NADK: variants seen among roughly 807,000 people sequenced by gnomAD.
NADK encodes poly(P)/ATP NAD kinase.
Under a neutral mutation model 49.8 loss-of-function variants are expected in NADK, and 22 were observed. The observed-to-expected ratio is 0.44, with a 90% confidence interval of 0.32 to 0.63. The LOEUF (loss-of-function observed/expected upper bound fraction) is 0.63, where lower values mean the gene tolerates loss of function less well. NADK is among the 30% of genes least tolerant of loss of function. NADK has a pLI of 0.06. For missense variants in NADK, 438 were observed against 609.4 expected, an observed-to-expected ratio of 0.72 and a Z score of 2.96; for synonymous variants, 268 against 253.7, an observed-to-expected ratio of 1.06 and a Z score of -0.54.
At chr1:1,773,787 A>C (rs1323644684) in intron 1 of NADK, among the ~76,000 whole-genome samples, 1 of 150,620 alleles carries the variant, frequency 6.6e-6, no homozygotes, top group Non-Finnish European at 1.5e-5. Context: ...TTGCTCTGTC[A>C]CCTAAGCTGG....
chr1:1,771,053 A>T (rs1036571629), intron 1 of NADK, among the ~76,000 whole-genome samples: 4,660 of 141,962 alleles, frequency 0.033, 149 homozygotes, highest in Admixed American at 0.11. Context: ...AAAAAAAAAA[A>T]AAATATATAT....
chr1:1,753,297 G>A (rs1377078550), intron 11 of NADK, among the ~76,000 whole-genome samples: 1 of 152,196 alleles, frequency 6.6e-6, no homozygotes, highest in East Asian at 1.9e-4. Flanking sequence ...CCTCAGGGGT[G>A]AGGTCCCAGG....
At chr1:1,756,732 C>T (rs150316715) in intron 4 of NADK, 124 bp from the exon 5 acceptor site, 16 of 1,539,988 alleles carry the variant, frequency 1.0e-5, no homozygotes, top group South Asian at 4.5e-5. Context: ...CGCCCCCCCA[C>T]GCTCACGCTG....
chr1:1,757,718 C>T (rs944286153), intron 3 of NADK, among the ~76,000 whole-genome samples: 2 of 152,160 alleles, frequency 1.3e-5, no homozygotes, highest in East Asian at 1.9e-4. Context: ...CAGGCCCCCA[C>T]GAAAACCCAA....
chr1:1,755,598 A>G (rs1570507643), intron 6 of NADK, 122 bp from the exon 7 acceptor site: 4 of 750,272 alleles, frequency 5.3e-6, no homozygotes, highest in Non-Finnish European at 4.6e-6. Flanking sequence ...CCTCTGCAGG[A>G]GGGACTGGCC....
chr1:1,754,389 G>A lies in NADK; in HGVS notation c.844-6C>T. ...ATCACCACCTCATTCAGGACCTGGA[G>A]GGGCGACAGCATTGCACACTCAGGG... is the stretch of plus-strand genomic sequence containing the variant. On this transcript the variant is annotated splice_region_variant and splice_polypyrimidine_tract_variant and intron_variant, in intron 8 of 11. Transcript: ENST00000341426. This position sits in a 1 kb window ranked among gnomAD's most constrained non-coding sequence, Gnocchi z 4.3. 2 of 1,613,632 alleles carry A rather than the reference G, an allele frequency of 1.2e-6. No individual in the cohort carries two copies. The highest frequency in any genetic ancestry group is 1.1e-5 in the South Asian group (1 of 91,068).
Position 1,754,044 on chromosome 1 carries a change from C to T in NADK, c.1101+7G>A. The T allele has an allele frequency of 6.4e-7, 1 of 1,571,938 alleles. No individual in the cohort carries two copies. ...CAAACCGGAAAAGGAGTGTCGTTGG[C>T]TCTGACCTTCAGCTCGACCCCTGCG... On this transcript the variant is annotated splice_region_variant and intron_variant, in intron 10 of 11. Coordinates refer to ENST00000341426, the MANE Select transcript of NADK (RefSeq NM_023018.5). This position sits in a 1 kb window ranked among gnomAD's most constrained non-coding sequence, Gnocchi z 4.3.
chr1:1,758,371 C>T lies in NADK; in HGVS notation c.264-1061G>A, dbSNP rs770065636. 19 of 1,609,710 alleles carry T rather than the reference C, an allele frequency of 1.2e-5. No homozygotes were observed. The African/African-American group carries it at 2.1e-4, about 18-fold the overall frequency. On this transcript the variant is annotated intron_variant, in intron 3 of 11. Coordinates refer to ENST00000341426, the MANE Select transcript of NADK (RefSeq NM_023018.5). ...GAAGCTGGTCAGCACTCACCCTGTG[C>T]AGGCATTACTGGGAGGCGTGGGGTC...
chr1:1,778,733 C>T (rs1273398789), upstream of NADK: 1 of 151,740 alleles, frequency 6.6e-6, no homozygotes, highest in Non-Finnish European at 1.5e-5. This position sits in a 1 kb window ranked among gnomAD's most constrained non-coding sequence, Gnocchi z 4.9. Flanking sequence ...CCCCGGCTCC[C>T]GTCCCCACTC....
intron 2 of NADK, among the ~76,000 whole-genome samples, chr1:1,764,026 A>AGTGGTGAC (rs1464663292): frequency 6.6e-6 from 1 of 152,216 alleles, no homozygotes; most frequent in Non-Finnish European, 1.5e-5. Context: ...AGAAAGGCTG[A>AGTGGTGAC]GTGGTGACGT....
At chr1:1,763,065 G>A (rs1482266038) in intron 2 of NADK, among the ~76,000 whole-genome samples, 3 of 152,236 alleles carry the variant, frequency 2.0e-5, no homozygotes, top group East Asian at 1.9e-4. Context: ...GCAGAAGAAC[G>A]GCCTTCCGCT....
intron 2 of NADK, among the ~76,000 whole-genome samples, chr1:1,764,283 C>T (rs893746664): frequency 2.6e-5 from 4 of 152,240 alleles, no homozygotes; most frequent in African/African-American, 7.2e-5. Context: ...CAAGCTTCCA[C>T]CTAAAACTCA....
At chr1:1,763,537 T>C (rs1570548103) in intron 2 of NADK, among the ~76,000 whole-genome samples, 1 of 149,236 alleles carries the variant, frequency 6.7e-6, no homozygotes, top group African/African-American at 2.5e-5. Flanking sequence ...GAGAATCACT[T>C]GAACTCGGGA....
At chr1:1,770,593 A>G (rs1406784180) in intron 1 of NADK, among the ~76,000 whole-genome samples, 1 of 152,030 alleles carries the variant, frequency 6.6e-6, no homozygotes, top group Admixed American at 6.6e-5. Context: ...TTAGCCGGGC[A>G]TGGTGGCGGG....
Position 1,757,321 on chromosome 1 carries a change from G to A in NADK, c.264-11C>T. On this transcript the variant is annotated splice_polypyrimidine_tract_variant and intron_variant, in intron 3 of 11. Transcript: ENST00000341426. Reference sequence around the variant, plus strand: ...GGGTCCTGAATGTGCCTTTAGGGGAGGAGAAAAGAGTTCACACCAGCTGCG... The same window carrying A: ...GGGTCCTGAATGTGCCTTTAGGGGAAGAGAAAAGAGTTCACACCAGCTGCG... 6.2e-7 allele frequency: 1 copy of A among 1,609,310 alleles called. No homozygotes were observed. The highest frequency in any genetic ancestry group is 8.5e-7 in the Non-Finnish European group (1 of 1,176,490).
chr1:1,763,145 G>A lies in NADK; in HGVS notation c.180-1110C>T, dbSNP rs544314316. ...GGGCTGCTCCACAGGTGACACAGGC[G>A]TGGCCATCAGTGGTCACGGACTTGT... On this transcript the variant is annotated intron_variant, in intron 2 of 11. Transcript: ENST00000341426. 2.0e-5 allele frequency among the ~76,000 whole-genome samples: 3 copies of A among 152,360 alleles called. No homozygotes were observed. In the East Asian group the frequency reaches 5.8e-4, roughly 29 times the overall value.
intron 4 of NADK, 69 bp downstream of exon 4, chr1:1,757,112 G>A (rs767986763): frequency 8.4e-6 from 13 of 1,544,070 alleles, no homozygotes; most frequent in African/African-American, 2.7e-5. Flanking sequence ...CTCACGGGGC[G>A]GTGATGTGGA....
intron 3 of NADK, among the ~76,000 whole-genome samples, chr1:1,758,916 G>A (rs1040610981): frequency 2.0e-5 from 3 of 152,194 alleles, no homozygotes; most frequent in Non-Finnish European, 4.4e-5. Context: ...GGGCCCCAGG[G>A]AAGGCACCCT....
rs548421256 is a variant in NADK, at chr1:1,754,414, G to A, written c.844-31C>T. Reference sequence around the variant, plus strand: ...GGGGCGACAGCATTGCACACTCAGGGCGGGGGATGCCGCACGGCTCGCAGA... The same window carrying A: ...GGGGCGACAGCATTGCACACTCAGGACGGGGGATGCCGCACGGCTCGCAGA... On this transcript the variant is annotated intron_variant, in intron 8 of 11. Coordinates refer to ENST00000341426, the MANE Select transcript of NADK (RefSeq NM_023018.5). The surrounding 1 kb of genome is among the most constrained non-coding windows in gnomAD (Gnocchi z 4.3). 2 of 1,610,796 alleles carry A rather than the reference G, an allele frequency of 1.2e-6. No individual in the cohort carries two copies. The highest frequency in any genetic ancestry group is 2.2e-5 in the East Asian group (1 of 44,870).
Sources: allele counts gnomAD v4.1 joint callset (sites outside exome capture counted in the v4.1 genomes callset), GRCh38; gene constraint gnomAD v4.1.1; non-coding constraint Gnocchi (gnomAD v3.1); transcripts MANE v1.5; gene names NCBI Gene and HGNC (gene_info 2026-07-23, HGNC 2026-07-21).